Variants in SBK1 observed in about 807,000 individuals in gnomAD.
SBK1 encodes serine/threonine-protein kinase SBK1.
Under a neutral mutation model 24.4 loss-of-function variants are expected in SBK1, and 11 were observed. That is an observed-to-expected ratio of 0.45 (90% CI 0.28 to 0.75). SBK1 has a LOEUF of 0.75. SBK1 is among the 30% of genes least tolerant of loss of function. SBK1 has a pLI of 0.12. For synonymous variants in SBK1, 308 were observed against 284.4 expected, an observed-to-expected ratio of 1.08 and a Z score of -0.83; for missense variants, 467 against 620.5, an observed-to-expected ratio of 0.75 and a Z score of 2.63.
intron 1 of SBK1, among the ~76,000 whole-genome samples, chr16:28,307,064 CCCAGCA>C (rs1347791775): frequency 2.0e-5 from 3 of 152,170 alleles, no homozygotes; most frequent in Non-Finnish European, 4.4e-5. Flanking sequence ...CAGCCCCAGC[CCCAGCA>C]CAGTGCAGTA....
Position 28,292,622 on chromosome 16 carries a change from C to A in SBK1, c.-686C>A. The A allele has an allele frequency of 1.0e-6, 1 of 982,166 alleles. No individual in the cohort carries two copies. Among genetic ancestry groups the A allele is most frequent in the South Asian group, 4.7e-5 (1 of 21,278 alleles). 60.8% of individuals were successfully genotyped at this position (982,166 alleles called of 1,614,324 possible). On this transcript the variant is annotated 5_prime_UTR_variant, in exon 1 of 4. Coordinates refer to ENST00000341901, the MANE Select transcript of SBK1 (RefSeq NM_001024401.3). ...AGCCGCAGCCGGAGCCCGGGCCAGG[C>A]CGGGGGCCGGGAGCGCAGGGCCGGG...
At chr16:28,304,337 C>T (rs1269478004) in intron 1 of SBK1, among the ~76,000 whole-genome samples, 1 of 152,172 alleles carries the variant, frequency 6.6e-6, no homozygotes, top group Non-Finnish European at 1.5e-5. Flanking sequence ...CTGTCCACGC[C>T]TGTGGTGCTG....
At chr16:28,284,715 G>A (rs926299695) in intron 1 of SBK1, among the ~76,000 whole-genome samples, 2 of 152,152 alleles carry the variant, frequency 1.3e-5, no homozygotes, top group African/African-American at 4.8e-5. Context: ...CATGGCGAGT[G>A]GATCACTTGA....
intron 1 of SBK1, among the ~76,000 whole-genome samples, chr16:28,266,759 CA>C (rs2044431413): frequency 1.6e-5 from 2 of 124,418 alleles, no homozygotes; most frequent in South Asian, 2.3e-4. Flanking sequence ...AAAAAAAAAA[CA>C]AAACAGGATC....
In SBK1 at chr16:28,320,127, G is replaced by A; in HGVS notation, c.481G>A (p.Ala161Thr). The A allele has an allele frequency of 6.3e-7, 1 of 1,576,958 alleles. No individual in the cohort carries two copies. The highest frequency in any genetic ancestry group is 8.6e-7 in the Non-Finnish European group (1 of 1,167,010). ...VKRCVQQLGL[A>T]LDFMHGRQLV... is the part of the protein sequence containing the mutation. ...GCGCTGTGTGCAGCAGCTGGGCCTG[G>A]CGCTGGACTTCATGCACGGGCGGCA... The change falls in exon 4 of 4, where the codon GCG becomes ACG. Residue 161 changes from alanine (A) to threonine (T), a missense_variant. By Grantham distance (58) the Ala-to-Thr change is moderately conservative. Transcript: ENST00000341901. The surrounding 1 kb of genome is among the most constrained non-coding windows in gnomAD (Gnocchi z 8.5).
chr16:28,320,131 T>A lies in SBK1; in HGVS notation c.485T>A (p.Leu162Gln), dbSNP rs1236945660. The A allele has an allele frequency of 6.3e-7, 1 of 1,578,796 alleles. No individual in the cohort carries two copies. The highest frequency in any genetic ancestry group is 8.6e-7 in the Non-Finnish European group (1 of 1,167,748). Residue 162 changes from leucine to glutamine, a missense_variant, in exon 4 of 4, where the codon CTG (leucine) becomes CAG (glutamine). Physicochemically the swap from Leu to Gln is moderately radical, Grantham distance 113. Transcript: ENST00000341901. The surrounding 1 kb of genome is among the most constrained non-coding windows in gnomAD (Gnocchi z 8.5). ...TGTGTGCAGCAGCTGGGCCTGGCGC[T>A]GGACTTCATGCACGGGCGGCAGCTG... ...KRCVQQLGLA[L>Q]DFMHGRQLVH... is the part of the protein sequence containing the mutation.
chr16:28,271,037 G>C (rs1208507145), intron 1 of SBK1, among the ~76,000 whole-genome samples: 1 of 151,192 alleles, frequency 6.6e-6, no homozygotes, highest in Non-Finnish European at 1.5e-5. Flanking sequence ...CTAATTTTTT[G>C]TACTTTTAGT....
chr16:28,320,782 T>G lies in SBK1; in HGVS notation c.1136T>G (p.Val379Gly). The change falls in exon 4 of 4, where the codon GTG becomes GGG. Residue 379 changes from valine to glycine, a missense_variant. Transcript: ENST00000341901. This position sits in a 1 kb window ranked among gnomAD's most constrained non-coding sequence, Gnocchi z 8.5. ...AVGSVPLPVP[V>G]PVPVPVPVPV... ...GGGTCGGTGCCCTTGCCCGTGCCGG[T>G]GCCGGTGCCAGTGCCCGTGCCGGTG... 1 of 1,412,032 alleles carries G rather than the reference T, an allele frequency of 7.1e-7. No homozygotes were observed. The highest frequency in any genetic ancestry group is 1.3e-5 in the South Asian group (1 of 77,826). The allele number at this position is 1,412,032 out of a possible 1,614,324, so 87.5% of individuals were successfully genotyped here.
chr16:28,299,820 G>A (rs908126078), intron 1 of SBK1, among the ~76,000 whole-genome samples: 4 of 152,212 alleles, frequency 2.6e-5, no homozygotes, highest in South Asian at 2.1e-4. Context: ...CCAGGTCCCC[G>A]CCATGGCCTC....
intron 1 of SBK1, among the ~76,000 whole-genome samples, chr16:28,280,149 A>ATATGTGTGTGTGTG (rs1230385223): frequency 1.5e-4 from 6 of 39,414 alleles, no homozygotes; most frequent in African/African-American, 3.3e-4. Flanking sequence ...ATATATATAT[A>ATATGTGTGTGTGTG]TGTGTGTGTG....
chr16:28,320,841 C>A lies in SBK1; in HGVS notation c.1195C>A (p.Pro399Thr), dbSNP rs1286365974. The A allele has an allele frequency of 1.4e-6, 2 of 1,465,878 alleles. No individual in the cohort carries two copies. Among genetic ancestry groups the A allele is most frequent in the East Asian group, 6.2e-5 (2 of 32,218 alleles). The allele number at this position is 1,465,878 out of a possible 1,614,324, so 90.8% of individuals were successfully genotyped here. The change falls in exon 4 of 4, where the codon CCC becomes ACC. Residue 399 changes from proline (P) to threonine (T), a missense_variant. Physicochemically the swap from Pro to Thr is conservative, Grantham distance 38. Around this residue, in one of 4 missense-constraint regions of SBK1, gnomAD observed 166 missense variants for 146.8 expected, o/e 1.13. Transcript: ENST00000341901. The surrounding 1 kb of genome is among the most constrained non-coding windows in gnomAD (Gnocchi z 8.5). ...CGAGCCCGGCCTAGCTCCCCAGGGG[C>A]CCCCCGGCCGGACCGACGGCCGCGC... ...VPEPGLAPQG[P>T]PGRTDGRADK... is the part of the protein sequence containing the mutation.
At position 28,293,603 on chromosome 16, in the gene SBK1, G is replaced by C. The variant is rs1211270957; in HGVS notation, c.-8+303G>C. On this transcript the variant is annotated intron_variant, in intron 1 of 3. Coordinates refer to ENST00000341901, the MANE Select transcript of SBK1 (RefSeq NM_001024401.3). ...GAGGGCGGAGAGTCCCCCCCCAAAA[G>C]CTGCGAGCCTGGAGGTTGGCCCCCA... is the stretch of plus-strand genomic sequence containing the variant. 2.0e-5 allele frequency among the ~76,000 whole-genome samples: 3 copies of C among 151,936 alleles called. No homozygotes were observed. The East Asian group carries it at 5.9e-4, about 30-fold the overall frequency.
chr16:28,272,317 G>A (rs1002290263), intron 1 of SBK1, among the ~76,000 whole-genome samples: 2 of 152,050 alleles, frequency 1.3e-5, no homozygotes, highest in Non-Finnish European at 2.9e-5. Context: ...TGGTCCTCTA[G>A]CCTCAGCCTC....
chr16:28,308,773 G>GTGTA (rs1224950360), intron 1 of SBK1, among the ~76,000 whole-genome samples: 1 of 149,638 alleles, frequency 6.7e-6, no homozygotes, highest in East Asian at 2.0e-4. Context: ...GTGTGTGTGT[G>GTGTA]TGTGTGTTTG....
In SBK1 at chr16:28,323,312, G is replaced by GACTT. The variant is rs1337032278; in HGVS notation, c.*2393_*2396dup. 5 of 150,568 alleles carry GACTT rather than the reference G, an allele frequency of 3.3e-5. No homozygotes were observed. The highest frequency in any genetic ancestry group is 6.6e-5 in the Admixed American group (1 of 15,046). The allele number at this position is 150,568 out of a possible 1,614,324, so 9.3% of individuals were successfully genotyped here. A position where few individuals can be genotyped will look rare whatever the true frequency, so the allele number is the denominator to read the frequency against. ...CAAAAAATAACACTGTAGACATGAA[G>GACTT]ACTTAGAAGACAAAAAAAAAAAAAT... On this transcript the variant is annotated 3_prime_UTR_variant, in exon 4 of 4. Transcript: ENST00000341901.
intron 1 of SBK1, among the ~76,000 whole-genome samples, chr16:28,305,859 G>A (rs776599539): frequency 6.6e-6 from 1 of 152,130 alleles, no homozygotes; most frequent in Non-Finnish European, 1.5e-5. Context: ...TCTTATATAC[G>A]TAGTCAGATA....
intron 1 of SBK1, among the ~76,000 whole-genome samples, chr16:28,280,731 C>A (rs1457791449): frequency 6.6e-6 from 1 of 152,110 alleles, no homozygotes; most frequent in Non-Finnish European, 1.5e-5. Flanking sequence ...GTGGCATAAT[C>A]TTGGCTCACT....
chr16:28,274,521 G>A (rs1326725746), intron 1 of SBK1, among the ~76,000 whole-genome samples: 2 of 152,068 alleles, frequency 1.3e-5, no homozygotes, highest in Non-Finnish European at 2.9e-5. Context: ...GCATGGTGGT[G>A]GGTGCCTGTA....
intron 1 of SBK1, among the ~76,000 whole-genome samples, chr16:28,276,537 AC>A (rs1567671286): frequency 6.6e-6 from 1 of 152,192 alleles, no homozygotes; most frequent in East Asian, 1.9e-4. Context: ...CTATAGCAGG[AC>A]AGGTGGGCAT....
Sources: allele counts gnomAD v4.1 joint callset (sites outside exome capture counted in the v4.1 genomes callset), GRCh38; gene constraint gnomAD v4.1.1; regional missense constraint gnomAD v4.1.1; non-coding constraint Gnocchi (gnomAD v3.1); transcripts MANE v1.5; gene names NCBI Gene and HGNC (gene_info 2026-07-23, HGNC 2026-07-21).